Variants in KIAA0586 observed in about 807,000 individuals in gnomAD.
KIAA0586 encodes protein TALPID3.
In KIAA0586, 144 loss-of-function variants were observed where a neutral mutation model predicts 169.8. That is an observed-to-expected ratio of 0.85 (90% CI 0.74 to 0.97). KIAA0586 has a LOEUF of 0.97. KIAA0586 is among the 50% of genes least tolerant of loss of function. The probability of loss-of-function intolerance (pLI) is 0.00; values close to 1 mark genes in which losing one functional copy is unlikely to be tolerated. For missense variants in KIAA0586, 1,854 were observed against 1,823.0 expected (o/e 1.02, Z -0.31); for synonymous variants, 625 against 612.4 (o/e 1.02, Z -0.30).
In KIAA0586 at chr14:58,488,813, A is replaced by G; in HGVS notation, c.3720A>G (p.Leu1240=). Residue 1240 remains leucine, a synonymous_variant, in exon 24 of 31, where the codon TTA becomes TTG. Transcript: ENST00000652326. ...LSVTVTETET[L]DKPISEGEIL... ...TTACTGTCACTGAAACTGAAACTTT[A>G]GATAAACCCATCTCTGAAGGAGAGA... 6.2e-7 allele frequency: 1 copy of G among 1,613,930 alleles called. No homozygotes were observed. The highest frequency in any genetic ancestry group is 8.5e-7 in the Non-Finnish European group (1 of 1,179,838).
chr14:58,436,263 A>G (rs1311356748), intron 4 of KIAA0586, among the ~76,000 whole-genome samples: 1 of 152,182 alleles, frequency 6.6e-6, no homozygotes, highest in Admixed American at 6.6e-5. Context: ...AAATTTTTAC[A>G]CTAATGGAAG....
chr14:58,554,080 G>A (rs1308467464), downstream of KIAA0586, among the ~76,000 whole-genome samples: 2 of 152,140 alleles, frequency 1.3e-5, no homozygotes, highest in Non-Finnish European at 2.9e-5. Flanking sequence ...CAAGAGGCTA[G>A]CCCAAGTCCA....
At chr14:58,509,980 A>G (rs1234543398) in intron 28 of KIAA0586, among the ~76,000 whole-genome samples, 1 of 152,214 alleles carries the variant, frequency 6.6e-6, no homozygotes, top group Non-Finnish European at 1.5e-5. Context: ...CACATAACTC[A>G]ATATTAAGAA....
At chr14:58,518,119 G>T (rs2044895810) in intron 29 of KIAA0586, among the ~76,000 whole-genome samples, 1 of 152,016 alleles carries the variant, frequency 6.6e-6, no homozygotes, top group Admixed American at 6.6e-5. Flanking sequence ...ATAAAATGAT[G>T]TACATATTAC....
rs140352941 is a variant in KIAA0586 at position 58,526,373 on chromosome 14, A to G, written c.4430-13698A>G. On this transcript the variant is annotated intron_variant, in intron 29 of 30. Coordinates refer to ENST00000652326, the MANE Select transcript of KIAA0586 (RefSeq NM_001329943.3). ...CTTCCAGAGGAAGGAACAGGCAGCA[A>G]TCTTTGCTGTTTGGCAGACTCTGCT... 1.9e-3 allele frequency among the ~76,000 whole-genome samples: 295 copies of G among 152,264 alleles called. 1 individual carries two copies. Among genetic ancestry groups the G allele is most frequent in the Middle Eastern group, 6.8e-3 (2 of 294 alleles).
At position 58,448,379 on chromosome 14, in the gene KIAA0586, C is replaced by T. The variant is rs746293875; in HGVS notation, c.847C>T (p.Gln283Ter). 1.9e-6 allele frequency: 3 copies of T among 1,605,824 alleles called. No homozygotes were observed. The highest frequency in any genetic ancestry group is 1.7e-4 in the Middle Eastern group (1 of 6,040). ...ISAALKTSSFQPVSMPSSRAV... is the reference protein window; with the variant it reads ...ISAALKTSSF ...TGCTGCACTCAAGACTAGTAGTTTT[C>T]AGCCTGTTAGTATGCCCTCCTCCAG... The change falls in exon 7 of 31, where the codon CAG becomes TAG. Residue 283 changes from glutamine to a stop codon, truncating the protein, a stop_gained. Coordinates refer to ENST00000652326, the MANE Select transcript of KIAA0586 (RefSeq NM_001329943.3). LOFTEE classifies it high-confidence loss of function.
At chr14:58,507,735 T>C (rs1008514197) in intron 27 of KIAA0586, among the ~76,000 whole-genome samples, 1 of 151,780 alleles carries the variant, frequency 6.6e-6, no homozygotes, top group Non-Finnish European at 1.5e-5. Context: ...ATATCTCTGC[T>C]CTTGTCTTCT....
At chr14:58,467,622 C>A in intron 15 of KIAA0586, 113 bp from the exon 16 acceptor site, 1 of 748,964 alleles carries the variant, frequency 1.3e-6, no homozygotes, top group Non-Finnish European at 2.2e-6. Flanking sequence ...GGGTGATTGT[C>A]AGATAGGGCT....
In KIAA0586 at chr14:58,467,929, C is replaced by T. The variant is rs775822552; in HGVS notation, c.2442+7C>T. 2 of 1,590,294 alleles carry T rather than the reference C, an allele frequency of 1.3e-6. No homozygotes were observed. Among genetic ancestry groups the T allele is most frequent in the Non-Finnish European group, 1.7e-6 (2 of 1,170,144 alleles). On this transcript the variant is annotated splice_region_variant and intron_variant, in intron 16 of 30. Transcript: ENST00000652326. The stretch of plus-strand genomic sequence containing the variant: ...TCCTCAGCTTACTGTGCAGGTATGC[C>T]AGGGTGCATGAGTAGAAAATTTTAA...
At chr14:58,542,391 C>T (rs985347072) in intron 30 of KIAA0586, among the ~76,000 whole-genome samples, 2 of 151,894 alleles carry the variant, frequency 1.3e-5, no homozygotes, top group South Asian at 2.1e-4. Context: ...GCAGGAGAAT[C>T]GCTTGATCCC....
At chr14:58,508,830 T>A in intron 28 of KIAA0586, 121 bp downstream of exon 28, 1 of 700,650 alleles carries the variant, frequency 1.4e-6, no homozygotes, top group South Asian at 1.9e-5. Flanking sequence ...CATGCCTCCT[T>A]TATTTCCTAA....
intron 29 of KIAA0586, among the ~76,000 whole-genome samples, chr14:58,539,568 A>G (rs1321748939): frequency 6.6e-6 from 1 of 152,138 alleles, no homozygotes; most frequent in Non-Finnish European, 1.5e-5. Context: ...TTTTATCTCA[A>G]TACTAAAAAT....
chr14:58,444,827 T>C (rs1238920033), intron 6 of KIAA0586, among the ~76,000 whole-genome samples: 2 of 151,124 alleles, frequency 1.3e-5, no homozygotes, highest in African/African-American at 2.4e-5. Context: ...ATAAAAATAT[T>C]TGTGCTTGGC....
chr14:58,555,014 A>G (rs191504045), downstream of KIAA0586, among the ~76,000 whole-genome samples: 7 of 152,140 alleles, frequency 4.6e-5, no homozygotes, highest in Admixed American at 4.6e-4. Context: ...GTCACTGAAT[A>G]GAAGTAGGAA....
intron 25 of KIAA0586, among the ~76,000 whole-genome samples, chr14:58,490,908 G>T (rs2042798356): frequency 6.6e-6 from 1 of 152,018 alleles, no homozygotes; most frequent in Non-Finnish European, 1.5e-5. Context: ...CATTGTTGCT[G>T]TTTTTTTAAG....
chr14:58,524,140 G>A (rs1325368353), intron 29 of KIAA0586, among the ~76,000 whole-genome samples: 1 of 152,154 alleles, frequency 6.6e-6, no homozygotes, highest in African/African-American at 2.4e-5. Context: ...GGCCAGAGAT[G>A]TAGCTACGCA....
chr14:58,488,061 A>C lies in KIAA0586; in HGVS notation c.3479A>C (p.Glu1160Ala). 2 of 1,610,178 alleles carry C rather than the reference A, an allele frequency of 1.2e-6. No homozygotes were observed. Among genetic ancestry groups the C allele is most frequent in the Admixed American group, 3.4e-5 (2 of 59,348 alleles). ...KPWGDGDLPL[E>A]EENPNSPQEE... is the part of the protein sequence containing the mutation. The stretch of plus-strand genomic sequence containing the variant: ...TGGGGTGATGGAGACCTGCCACTGG[A>C]AGAAGAGAACCCTAACTCACCTCAA... Residue 1160 changes from glutamate to alanine, a missense_variant, in exon 23 of 31, where the codon GAA becomes GCA. Transcript: ENST00000652326.
chr14:58,534,240 C>T (rs566703902), intron 29 of KIAA0586, among the ~76,000 whole-genome samples: 1 of 152,242 alleles, frequency 6.6e-6, no homozygotes, highest in Admixed American at 6.5e-5. Context: ...TTGCCATCAG[C>T]TTTGGTAATT....
chr14:58,488,770 T>A lies in KIAA0586; in HGVS notation c.3677T>A (p.Leu1226Gln), dbSNP rs1303037941. ...SQMPGSDSST[L>Q]ESTLSVTVTE... ...ATGCCAGGTTCTGATTCATCAACAC[T>A]GGAGAGCACATTGAGTGTTACTGTC... Residue 1226 changes from leucine to glutamine, a missense_variant, in exon 24 of 31, where the codon CTG becomes CAG. Leu to Gln is a moderately radical substitution (Grantham distance 113, BLOSUM62 -2). Transcript: ENST00000652326. 1 of 1,613,792 alleles carries A rather than the reference T, an allele frequency of 6.2e-7. No individual in the cohort carries two copies. Among genetic ancestry groups the A allele is most frequent in the Non-Finnish European group, 8.5e-7 (1 of 1,179,858 alleles).
Sources: allele counts gnomAD v4.1 joint callset (sites outside exome capture counted in the v4.1 genomes callset), GRCh38; gene constraint gnomAD v4.1.1; transcripts MANE v1.5; gene names NCBI Gene and HGNC (gene_info 2026-07-23, HGNC 2026-07-21).